The following IGSF21 variants were observed in gnomAD, a reference collection of about 807,000 sequenced individuals.
IGSF21 encodes immunoglobulin superfamily member 21.
A neutral mutation model predicts 46.8 loss-of-function variants in IGSF21; 28 were observed. The ratio of observed to expected loss-of-function variants is 0.60; its 90% CI spans 0.44 to 0.82. The LOEUF is 0.82. Among genes scored for constraint, IGSF21 ranks in the 40% least tolerant of loss-of-function variants. The pLI is 0.00. For missense variants in IGSF21, 624 were observed against 665.5 expected (o/e 0.94, Z 0.69); for synonymous variants, 284 against 273.6 (o/e 1.04, Z -0.38).
chr1:18,353,837 G>T (rs992508189), intron 4 of IGSF21, among the ~76,000 whole-genome samples: 4 of 152,210 alleles, frequency 2.6e-5, no homozygotes, highest in African/African-American at 7.2e-5. Context: ...AAGGTGTAAG[G>T]GTTGGAGAAG....
chr1:18,161,666 C>T lies in IGSF21; in HGVS notation c.70+53468C>T, dbSNP rs574904058. On this transcript the variant is annotated intron_variant, in intron 1 of 9. Transcript: ENST00000251296. ...TTCAAAGGCGAGGAAAACTATGAAA[C>T]GGGGTTAAACAAACACATGTTTGAA... 1.9e-4 allele frequency among the ~76,000 whole-genome samples: 29 copies of T among 152,152 alleles called. No individual in the cohort carries two copies. The East Asian group carries it at 5.0e-3, about 26-fold the overall frequency.
intron 1 of IGSF21, among the ~76,000 whole-genome samples, chr1:18,154,687 G>A (rs945520683): frequency 6.6e-6 from 1 of 151,700 alleles, no homozygotes; most frequent in Non-Finnish European, 1.5e-5. Context: ...GGGTGGGGTG[G>A]ATTCCAGGCA....
At chr1:18,360,545 C>A (rs150272612) in intron 4 of IGSF21, among the ~76,000 whole-genome samples, 244 of 152,146 alleles carry the variant, frequency 1.6e-3, no homozygotes, top group Middle Eastern at 0.014. Flanking sequence ...AAATGTTTGT[C>A]GAATTTAATT....
chr1:18,227,964 G>A lies in IGSF21; in HGVS notation c.137G>A (p.Cys46Tyr). 2 of 1,613,994 alleles carry A rather than the reference G, an allele frequency of 1.2e-6. No individual in the cohort carries two copies. Among genetic ancestry groups the A allele is most frequent in the Non-Finnish European group, 1.7e-6 (2 of 1,179,890 alleles). ...VVAGDAVTLK[C>Y]NFKTDGRMRE... ...GCTGGAGACGCCGTGACTTTGAAGTGTAACTTCAAGACAGATGGGCGCATG... is the reference window on the plus strand; with the variant it reads ...GCTGGAGACGCCGTGACTTTGAAGTATAACTTCAAGACAGATGGGCGCATG... The change falls in exon 2 of 10, where the codon TGT becomes TAT. Residue 46 changes from cysteine (C) to tyrosine (Y), a missense_variant. Transcript: ENST00000251296.
chr1:18,195,841 G>T (rs1344655477), intron 1 of IGSF21, among the ~76,000 whole-genome samples: 1 of 152,216 alleles, frequency 6.6e-6, no homozygotes, highest in Non-Finnish European at 1.5e-5. Context: ...ACAGATGCTG[G>T]TCCCTAGGGC....
At chr1:18,254,222 G>C (rs1400269321) in intron 2 of IGSF21, among the ~76,000 whole-genome samples, 1 of 152,146 alleles carries the variant, frequency 6.6e-6, no homozygotes, top group Admixed American at 6.5e-5. Context: ...AGAAGTGAGA[G>C]ATGAGTTGGG....
intron 1 of IGSF21, among the ~76,000 whole-genome samples, chr1:18,187,220 CAGAGAGAGAG>C (rs10557379): frequency 6.6e-6 from 1 of 150,410 alleles, no homozygotes; most frequent in African/African-American, 2.4e-5. Context: ...GAGAGAGATA[CAGAGAGAGAG>C]AGAGAGAGAG....
At chr1:18,288,984 C>A (rs2085241837) in intron 2 of IGSF21, among the ~76,000 whole-genome samples, 1 of 152,180 alleles carries the variant, frequency 6.6e-6, no homozygotes, top group Non-Finnish European at 1.5e-5. Flanking sequence ...TGTCCCTCAG[C>A]CTGAAACAGA....
chr1:18,303,915 C>T (rs2085386336), intron 3 of IGSF21, among the ~76,000 whole-genome samples: 1 of 152,134 alleles, frequency 6.6e-6, no homozygotes, highest in African/African-American at 2.4e-5. Context: ...CATCCTTGGT[C>T]ATTAGAGAGA....
At chr1:18,215,313 C>T (rs4920464) in intron 1 of IGSF21, among the ~76,000 whole-genome samples, 145,361 of 152,296 alleles carry the variant, frequency 0.95, 69,718 homozygotes, top group East Asian at 1. Context: ...GCCAGCAACA[C>T]GCAAAGCACT....
intron 3 of IGSF21, among the ~76,000 whole-genome samples, chr1:18,297,032 G>C (rs2085318208): frequency 6.6e-6 from 1 of 152,160 alleles, no homozygotes; most frequent in Non-Finnish European, 1.5e-5. Context: ...TTCAAGTTCA[G>C]CTTAAAGGTT....
At chr1:18,308,504 C>G (rs2124582617) in intron 3 of IGSF21, among the ~76,000 whole-genome samples, 1 of 152,320 alleles carries the variant, frequency 6.6e-6, no homozygotes, top group African/African-American at 2.4e-5. Flanking sequence ...AAATATCTTA[C>G]ATGGATTCTC....
At chr1:18,268,721 A>G (rs1390046878) in intron 2 of IGSF21, among the ~76,000 whole-genome samples, 1 of 152,180 alleles carries the variant, frequency 6.6e-6, no homozygotes, top group African/African-American at 2.4e-5. Flanking sequence ...CCAGAAACAG[A>G]TAGAAGGGCG....
chr1:18,237,917 G>A (rs1010087317), intron 2 of IGSF21, among the ~76,000 whole-genome samples: 4 of 152,140 alleles, frequency 2.6e-5, no homozygotes, highest in Admixed American at 6.6e-5. Flanking sequence ...GAAAGATCCC[G>A]CTCTAGCCCT....
chr1:18,271,940 T>TTG (rs2085046881), intron 2 of IGSF21, among the ~76,000 whole-genome samples: 1 of 152,166 alleles, frequency 6.6e-6, no homozygotes, highest in African/African-American at 2.4e-5. Context: ...AGCATGGCAA[T>TTG]GGTCATAGCC....
At chr1:18,154,303 TC>T (rs1203506994) in intron 1 of IGSF21, among the ~76,000 whole-genome samples, 3 of 152,120 alleles carry the variant, frequency 2.0e-5, no homozygotes, top group Non-Finnish European at 4.4e-5. Flanking sequence ...TCTTTTGTCA[TC>T]TCTTTCAAGG....
At chr1:18,255,261 G>A (rs1031180544) in intron 2 of IGSF21, among the ~76,000 whole-genome samples, 2 of 152,140 alleles carry the variant, frequency 1.3e-5, no homozygotes, top group Non-Finnish European at 2.9e-5. Flanking sequence ...GCACTCCCCT[G>A]GGTACCTGCT....
intron 1 of IGSF21, among the ~76,000 whole-genome samples, chr1:18,119,061 A>G (rs1317546075): frequency 2.0e-5 from 3 of 152,126 alleles, no homozygotes; most frequent in Non-Finnish European, 4.4e-5. Context: ...ATTGATTGGA[A>G]CAGTGCAGCT....
At chr1:18,139,431 C>T (rs75117026) in intron 1 of IGSF21, among the ~76,000 whole-genome samples, 21,207 of 152,144 alleles carry the variant, frequency 0.14, 1,575 homozygotes, top group Middle Eastern at 0.17. Context: ...GCTCCCTGGG[C>T]GATCCATCTC....
Sources: allele counts gnomAD v4.1 joint callset (sites outside exome capture counted in the v4.1 genomes callset), GRCh38; gene constraint gnomAD v4.1.1; transcripts MANE v1.5; gene names NCBI Gene and HGNC (gene_info 2026-07-23, HGNC 2026-07-21).